The following STX11 variants were observed in gnomAD, a reference collection of about 807,000 sequenced individuals.
STX11 encodes the protein syntaxin-11.
Under a neutral mutation model 19.9 loss-of-function variants are expected in STX11, and 21 were observed. That is an observed-to-expected ratio of 1.06 (90% CI 0.75 to 1.52). The LOEUF is 1.52. Among genes scored for constraint, STX11 ranks in the 40% most tolerant of loss-of-function variants. The pLI is 0.00. For missense variants in STX11, 438 were observed against 405.9 expected (o/e 1.08, Z -0.68); for synonymous variants, 193 against 174.4 (o/e 1.11, Z -0.84).
At chr6:144,173,152 G>C (rs938875208) in intron 1 of STX11, among the ~76,000 whole-genome samples, 6 of 152,206 alleles carry the variant, frequency 3.9e-5, no homozygotes, top group African/African-American at 1.4e-4. Flanking sequence ...ATCATAAAAA[G>C]TTGGGGACCC....
In STX11 at chr6:144,177,750, A is replaced by C. The variant is rs1361260889; in HGVS notation, c.-5-8873A>C. Among the ~76,000 whole-genome samples the C allele has an allele frequency of 1.3e-5, 2 of 152,158 alleles. No individual in the cohort carries two copies. Among genetic ancestry groups the C allele is most frequent in the East Asian group, 1.9e-4 (1 of 5,186 alleles). On this transcript the variant is annotated intron_variant, in intron 1 of 1. Transcript: ENST00000367568. The surrounding 1 kb of genome is among the most constrained non-coding windows in gnomAD (Gnocchi z 4.4). ...GGGTGACAGAGGGAGACTCCGTCTCAAAAAAAAGAAGAAAGAAAGCTCATC... is the reference window on the plus strand; with the variant it reads ...GGGTGACAGAGGGAGACTCCGTCTCCAAAAAAAGAAGAAAGAAAGCTCATC...
At chr6:144,150,779 G>A in intron 1 of STX11, 76 bp downstream of exon 1, 3 of 877,738 alleles carry the variant, frequency 3.4e-6, no homozygotes, top group Non-Finnish European at 2.7e-6. Context: ...CGGGGAGGGC[G>A]GGTCGGGGCG....
Position 144,172,787 on chromosome 6 carries a change from C to A in STX11, c.-5-13836C>A, listed in dbSNP as rs924257849. 1.3e-5 allele frequency among the ~76,000 whole-genome samples: 2 copies of A among 152,040 alleles called. No individual in the cohort carries two copies. The highest frequency in any genetic ancestry group is 1.3e-4 in the Admixed American group (2 of 15,274). On this transcript the variant is annotated intron_variant, in intron 1 of 1. Coordinates refer to ENST00000367568, the MANE Select transcript of STX11 (RefSeq NM_003764.4). This position sits in a 1 kb window ranked among gnomAD's most constrained non-coding sequence, Gnocchi z 4.2. The stretch of plus-strand genomic sequence containing the variant: ...AGAGATAGCTCTTCTTATGCTGATC[C>A]TCTTGATCCCAAGACAATGAACAGG...
Position 144,183,766 on chromosome 6 carries a change from T to C in STX11, c.-5-2857T>C, listed in dbSNP as rs188304456. 6.6e-6 allele frequency among the ~76,000 whole-genome samples: 1 copy of C among 152,342 alleles called. No homozygotes were observed. The highest frequency in any genetic ancestry group is 1.5e-5 in the Non-Finnish European group (1 of 68,032). Reference sequence around the variant, plus strand: ...TAAGTTCCGGGGTACACGTGCAAGATGCGCAGGTTTGTTACAGAGGTAAAC... The same window carrying C: ...TAAGTTCCGGGGTACACGTGCAAGACGCGCAGGTTTGTTACAGAGGTAAAC... On this transcript the variant is annotated intron_variant, in intron 1 of 1. Coordinates refer to ENST00000367568, the MANE Select transcript of STX11 (RefSeq NM_003764.4). This position sits in a 1 kb window ranked among gnomAD's most constrained non-coding sequence, Gnocchi z 4.6.
Position 144,175,316 on chromosome 6 carries a change from C to T in STX11, c.-5-11307C>T, listed in dbSNP as rs1453588429. Reference sequence around the variant, plus strand: ...TTGAAGTCTCAATATATGCTACTCTCATGAAAATGCTTTATACATGTTAGA... The same window carrying T: ...TTGAAGTCTCAATATATGCTACTCTTATGAAAATGCTTTATACATGTTAGA... On this transcript the variant is annotated intron_variant, in intron 1 of 1. Transcript: ENST00000367568. This position sits in a 1 kb window ranked among gnomAD's most constrained non-coding sequence, Gnocchi z 5.1. 3.9e-5 allele frequency among the ~76,000 whole-genome samples: 6 copies of T among 152,214 alleles called. No individual in the cohort carries two copies. The highest frequency in any genetic ancestry group is 2.9e-5 in the Non-Finnish European group (2 of 68,032).
Position 144,151,187 on chromosome 6 carries a change from T to G in STX11, c.-6+484T>G. ...TAGCCAGGAAAGACGGAGAAATTGATAGAGCCTTCGAGGAGTCCCTTCGAA... is the reference window on the plus strand; with the variant it reads ...TAGCCAGGAAAGACGGAGAAATTGAGAGAGCCTTCGAGGAGTCCCTTCGAA... On this transcript the variant is annotated intron_variant, in intron 1 of 1. Transcript: ENST00000367568. This position sits in a 1 kb window ranked among gnomAD's most constrained non-coding sequence, Gnocchi z 4.6. 2.1e-6 allele frequency: 2 copies of G among 965,736 alleles called. No individual in the cohort carries two copies. The highest frequency in any genetic ancestry group is 3.5e-5 in the African/African-American group (2 of 56,972). 59.8% of individuals were successfully genotyped at this position (965,736 alleles called of 1,614,324 possible). A position where few individuals can be genotyped will look rare whatever the true frequency, so the allele number is the denominator to read the frequency against.
chr6:144,187,468 T>G lies in STX11; in HGVS notation c.841T>G (p.Phe281Val). ...EKNPCRTLCCFCCPCLK is the reference protein window; with the variant it reads ...EKNPCRTLCCVCCPCLK ...GAACCCCTGCCGGACCCTCTGCTGC[T>G]TCTGCTGTCCCTGCCTCAAGTAGCA... Residue 281 changes from phenylalanine (F) to valine (V), a missense_variant, in exon 2 of 2, where the codon TTC (phenylalanine) becomes GTC (valine). By Grantham distance (50) the Phe-to-Val change is conservative. Transcript: ENST00000367568. The surrounding 1 kb of genome is among the most constrained non-coding windows in gnomAD (Gnocchi z 5.6). The G allele has an allele frequency of 6.2e-7, 1 of 1,612,522 alleles. No homozygotes were observed. Among genetic ancestry groups the G allele is most frequent in the Non-Finnish European group, 8.5e-7 (1 of 1,179,964 alleles).
chr6:144,161,105 A>G (rs1056109891), intron 1 of STX11, among the ~76,000 whole-genome samples: 1 of 152,256 alleles, frequency 6.6e-6, no homozygotes, highest in African/African-American at 2.4e-5. Context: ...TAATGATTTT[A>G]GCCACGGTAA....
chr6:144,146,946 T>C (rs944794118), upstream of STX11, among the ~76,000 whole-genome samples: 2 of 152,222 alleles, frequency 1.3e-5, no homozygotes, highest in African/African-American at 4.8e-5. This position sits in a 1 kb window ranked among gnomAD's most constrained non-coding sequence, Gnocchi z 4.4. Context: ...TGTGGCATTT[T>C]GGACACATTC....
rs534507040 is a variant in STX11 at position 144,187,812 on chromosome 6, C to T, written c.*321C>T. 1 of 466,394 alleles carries T rather than the reference C, an allele frequency of 2.1e-6. No homozygotes were observed. Among genetic ancestry groups the T allele is most frequent in the African/African-American group, 1.9e-5 (1 of 51,636 alleles). The allele number at this position is 466,394 out of a possible 1,614,324, so 28.9% of individuals were successfully genotyped here. A position where few individuals can be genotyped will look rare whatever the true frequency, so the allele number is the denominator to read the frequency against. On this transcript the variant is annotated 3_prime_UTR_variant, in exon 2 of 2. Coordinates refer to ENST00000367568, the MANE Select transcript of STX11 (RefSeq NM_003764.4). The surrounding 1 kb of genome is among the most constrained non-coding windows in gnomAD (Gnocchi z 5.6). ...TTGTATCTGACTGTAGGGTGAATGT[C>T]TGAGGCCTGCCTCCTAATAAAGACT...
At chr6:144,149,381 CA>C (rs1197705739), upstream of STX11, among the ~76,000 whole-genome samples, 1 of 152,150 alleles carries the variant, frequency 6.6e-6, no homozygotes, top group Non-Finnish European at 1.5e-5. This position sits in a 1 kb window ranked among gnomAD's most constrained non-coding sequence, Gnocchi z 5.1. Context: ...CTTCGTTGCT[CA>C]AATGGTTCCA....
upstream of STX11, among the ~76,000 whole-genome samples, chr6:144,148,965 A>G (rs1266861293): frequency 6.6e-6 from 1 of 152,172 alleles, no homozygotes; most frequent in Non-Finnish European, 1.5e-5. Flanking sequence ...ATGTTCCACT[A>G]CTGGAATTTG....
Position 144,177,180 on chromosome 6 carries a change from A to C in STX11, c.-5-9443A>C, listed in dbSNP as rs1801797682. Among the ~76,000 whole-genome samples, 1 of 152,262 alleles carries C rather than the reference A, an allele frequency of 6.6e-6. No homozygotes were observed. Among genetic ancestry groups the C allele is most frequent in the African/African-American group, 2.4e-5 (1 of 41,478 alleles). ...CCCTTTCAAAGATACTTCATGGAAT[A>C]GTTACAAAATATAAAGGAATTACTT... On this transcript the variant is annotated intron_variant, in intron 1 of 1. Transcript: ENST00000367568. The surrounding 1 kb of genome is among the most constrained non-coding windows in gnomAD (Gnocchi z 4.4).
At chr6:144,150,166 G>C (rs979281067), upstream of STX11, among the ~76,000 whole-genome samples, 1 of 152,244 alleles carries the variant, frequency 6.6e-6, no homozygotes, top group Non-Finnish European at 1.5e-5. Context: ...TCCTCGCCGC[G>C]GCAACGCACC....
chr6:144,186,878 G>A lies in STX11; in HGVS notation c.251G>A (p.Arg84His). 1.2e-6 allele frequency: 2 copies of A among 1,612,526 alleles called. No homozygotes were observed. Among genetic ancestry groups the A allele is most frequent in the Non-Finnish European group, 1.7e-6 (2 of 1,180,018 alleles). Residue 84 changes from arginine (R) to histidine (H), a missense_variant, in exon 2 of 2, where the codon CGC becomes CAC. Transcript: ENST00000367568. ...ATGCGGCGCCTCAGCAGCATCAAGC[G>A]CGACACCAACTCCATCGCCAAGGCC... ...TSMRRLSSIK[R>H]DTNSIAKAIK...
At position 144,172,671 on chromosome 6, in the gene STX11, C is replaced by T. The variant is rs897176551; in HGVS notation, c.-5-13952C>T. 3.3e-5 allele frequency among the ~76,000 whole-genome samples: 5 copies of T among 152,150 alleles called. No homozygotes were observed. The highest frequency in any genetic ancestry group is 9.7e-5 in the African/African-American group (4 of 41,432). ...ATATGCTCCCTCCCATCCCAGGATT[C>T]CCCGAAGTCTCATCAGATTATAGTA... On this transcript the variant is annotated intron_variant, in intron 1 of 1. Transcript: ENST00000367568. This position sits in a 1 kb window ranked among gnomAD's most constrained non-coding sequence, Gnocchi z 4.2.
the STX11 span, among the ~76,000 whole-genome samples, chr6:144,142,270 A>C: frequency 2.6e-5 from 4 of 152,086 alleles, no homozygotes; most frequent in Non-Finnish European, 5.9e-5. Flanking sequence ...CAGCATTATT[A>C]GGTTTATATT....
Position 144,176,523 on chromosome 6 carries a change from C to G in STX11, c.-5-10100C>G, listed in dbSNP as rs1250413687. Among the ~76,000 whole-genome samples the G allele has an allele frequency of 6.6e-6, 1 of 152,102 alleles. No homozygotes were observed. The highest frequency in any genetic ancestry group is 2.4e-5 in the African/African-American group (1 of 41,422). On this transcript the variant is annotated intron_variant, in intron 1 of 1. Coordinates refer to ENST00000367568, the MANE Select transcript of STX11 (RefSeq NM_003764.4). This position sits in a 1 kb window ranked among gnomAD's most constrained non-coding sequence, Gnocchi z 4.1. Reference sequence around the variant, plus strand: ...CTTGCTTTACGGAGTGGGCTTGATTCTAGAGGGCTGCAGACACACGCAGAA... The same window carrying G: ...CTTGCTTTACGGAGTGGGCTTGATTGTAGAGGGCTGCAGACACACGCAGAA...
intron 1 of STX11, among the ~76,000 whole-genome samples, chr6:144,173,771 C>T (rs1462308234): frequency 6.6e-6 from 1 of 152,224 alleles, no homozygotes; most frequent in Non-Finnish European, 1.5e-5. Context: ...CCTGACTGCT[C>T]TCGCAGTTTC....
Sources: allele counts gnomAD v4.1 joint callset (sites outside exome capture counted in the v4.1 genomes callset), GRCh38; gene constraint gnomAD v4.1.1; non-coding constraint Gnocchi (gnomAD v3.1); transcripts MANE v1.5; gene names NCBI Gene and HGNC (gene_info 2026-07-23, HGNC 2026-07-21).